Variants in AKAP10 observed in about 807,000 individuals in gnomAD.
AKAP10 encodes A-kinase anchor protein 10, mitochondrial.
Under a neutral mutation model 80.8 loss-of-function variants are expected in AKAP10, and 24 were observed. The observed-to-expected ratio is 0.30, with a 90% confidence interval of 0.22 to 0.42. The LOEUF is 0.42. Among genes scored for constraint, AKAP10 ranks in the 10% least tolerant of loss-of-function variants. AKAP10 has a pLI of 1.00. For synonymous variants in AKAP10, 291 were observed against 277.7 expected (o/e 1.05, Z -0.48); for missense variants, 661 against 794.9 (o/e 0.83, Z 2.03).
intron 1 of AKAP10, among the ~76,000 whole-genome samples, chr17:19,970,649 C>G (rs1027026911): frequency 1.3e-5 from 2 of 152,056 alleles, no homozygotes; most frequent in Admixed American, 6.6e-5. Context: ...ATGGTGAAAC[C>G]CTGTCTCTAC....
chr17:19,970,817 T>C (rs1049799613), intron 1 of AKAP10, among the ~76,000 whole-genome samples: 1 of 151,822 alleles, frequency 6.6e-6, no homozygotes, highest in African/African-American at 2.4e-5. Flanking sequence ...AGCAAGACTC[T>C]GTCTTAAAAA....
rs939974813 is a variant in AKAP10, at chr17:19,950,455, G to A, written c.878-2950C>T. ...CTGCAGAGTGCCTGGGATTGCAGGCGCACGCCGCCACACCTGACTGGTTTT... is the reference window on the plus strand; with the variant it reads ...CTGCAGAGTGCCTGGGATTGCAGGCACACGCCGCCACACCTGACTGGTTTT... On this transcript the variant is annotated intron_variant, in intron 4 of 14. Transcript: ENST00000225737. 1.1e-4 allele frequency among the ~76,000 whole-genome samples: 16 copies of A among 152,332 alleles called. No individual in the cohort carries two copies. The East Asian group carries it at 1.4e-3, about 13-fold the overall frequency.
At chr17:19,958,634 GTCAA>G in intron 3 of AKAP10, 63 bp from the exon 4 acceptor site, 1 of 1,427,174 alleles carries the variant, frequency 7.0e-7, no homozygotes, top group African/African-American at 1.4e-5. Flanking sequence ...TGACAGATTA[GTCAA>G]TCACTTTTAG....
At chr17:19,953,973 A>C (rs2152417005) in intron 4 of AKAP10, among the ~76,000 whole-genome samples, 1 of 152,248 alleles carries the variant, frequency 6.6e-6, no homozygotes, top group South Asian at 2.1e-4. Flanking sequence ...CAGAGGTTGC[A>C]GTAAGCCAAG....
At chr17:19,955,284 G>A (rs766805165) in intron 4 of AKAP10, among the ~76,000 whole-genome samples, 3 of 152,076 alleles carry the variant, frequency 2.0e-5, no homozygotes, top group South Asian at 2.1e-4. Context: ...AAAGATCAGC[G>A]GTTGCCAAGT....
chr17:19,909,904 T>C (rs1393370311), intron 13 of AKAP10, 22 bp downstream of exon 13: 5 of 1,610,690 alleles, frequency 3.1e-6, no homozygotes, highest in Non-Finnish European at 4.2e-6. Context: ...AGAAATCTTT[T>C]TATCCTAAAG....
chr17:19,955,729 G>C lies in AKAP10; in HGVS notation c.877+2285C>G, dbSNP rs182818585. 5.4e-3 allele frequency among the ~76,000 whole-genome samples: 823 copies of C among 152,220 alleles called. 4 individuals carry two copies. The highest frequency in any genetic ancestry group is 0.011 in the South Asian group (53 of 4,826). On this transcript the variant is annotated intron_variant, in intron 4 of 14. Transcript: ENST00000225737. ...GGGCACCTGTAATCCCAGCTACTCAGGGGGCTGAGGCAAGAGAATCGCTTG... is the reference window on the plus strand; with the variant it reads ...GGGCACCTGTAATCCCAGCTACTCACGGGGCTGAGGCAAGAGAATCGCTTG...
At chr17:19,962,021 C>T (rs1047429941) in intron 3 of AKAP10, among the ~76,000 whole-genome samples, 3 of 151,920 alleles carry the variant, frequency 2.0e-5, no homozygotes, top group Non-Finnish European at 2.9e-5. Flanking sequence ...GAGGCTGAGG[C>T]GAGAGAATGG....
At chr17:19,939,655 C>G (rs1378761457) in intron 8 of AKAP10, 58 bp downstream of exon 8, 1 of 1,567,254 alleles carries the variant, frequency 6.4e-7, no homozygotes, top group Non-Finnish European at 8.7e-7. Flanking sequence ...TTTATTTCCA[C>G]AAAACATATC....
chr17:19,933,413 C>A (rs1314914379), intron 9 of AKAP10, among the ~76,000 whole-genome samples: 1 of 152,174 alleles, frequency 6.6e-6, no homozygotes, highest in Non-Finnish European at 1.5e-5. Context: ...CAGAAATACT[C>A]AAAGTTTTTG....
rs2043127910 is a variant in AKAP10 at position 19,946,273 on chromosome 17, ATATTTTT to A, written c.976+1127_976+1133del. ...TATATATATATATATATATATATATATATTTTTTTTTTTTTTTTTTTTTTTTGGCAGG... is the reference window on the plus strand; with the variant it reads ...TATATATATATATATATATATATATATTTTTTTTTTTTTTTTTTTGGCAGG... On this transcript the variant is annotated intron_variant, in intron 5 of 14. Coordinates refer to ENST00000225737, the MANE Select transcript of AKAP10 (RefSeq NM_007202.4). 1.3e-3 allele frequency among the ~76,000 whole-genome samples: 26 copies of A among 19,792 alleles called. 1 individual carries two copies. The highest frequency in any genetic ancestry group is 2.6e-3 in the African/African-American group (13 of 4,996). The allele number at this position is 19,792 out of a possible 152,430, so 13.0% of individuals were successfully genotyped here.
intron 1 of AKAP10, among the ~76,000 whole-genome samples, chr17:19,971,737 T>C (rs1293418688): frequency 1.3e-5 from 2 of 152,242 alleles, no homozygotes; most frequent in African/African-American, 4.8e-5. Context: ...TAGTGAACAT[T>C]CTAGTACACG....
rs188642135 is a variant in AKAP10 at position 19,952,290 on chromosome 17, T to G, written c.878-4785A>C. Among the ~76,000 whole-genome samples the G allele has an allele frequency of 2.0e-5, 3 of 150,846 alleles. No individual in the cohort carries two copies. In the East Asian group the frequency reaches 5.9e-4, roughly 30 times the overall value. ...ACGAGCCTGGCTAACATGGTGAAAATCCGTTTCTACTAAAAATACAAAAAA... is the reference window on the plus strand; with the variant it reads ...ACGAGCCTGGCTAACATGGTGAAAAGCCGTTTCTACTAAAAATACAAAAAA... On this transcript the variant is annotated intron_variant, in intron 4 of 14. Transcript: ENST00000225737.
chr17:19,921,743 G>A (rs1021002773), intron 11 of AKAP10, among the ~76,000 whole-genome samples: 1 of 151,966 alleles, frequency 6.6e-6, no homozygotes, highest in African/African-American at 2.4e-5. Context: ...TATAAAAAGA[G>A]ATCCTCTGTA....
At chr17:19,946,242 TA>T (rs1567765584) in intron 5 of AKAP10, among the ~76,000 whole-genome samples, 5 of 13,704 alleles carry the variant, frequency 3.6e-4, no homozygotes, top group Non-Finnish European at 5.8e-4. Context: ...ATATATTATA[TA>T]TATATATATA....
At chr17:19,910,007 C>T (rs748541275) in intron 12 of AKAP10, 29 bp from the exon 13 acceptor site, 41 of 1,602,194 alleles carry the variant, frequency 2.6e-5, no homozygotes, top group Non-Finnish European at 3.4e-5. Context: ...ATTGAATGTA[C>T]ATTTCATGCA....
At chr17:19,913,280 A>G (rs2042710997) in intron 12 of AKAP10, among the ~76,000 whole-genome samples, 1 of 151,062 alleles carries the variant, frequency 6.6e-6, no homozygotes, top group Non-Finnish European at 1.5e-5. Flanking sequence ...CAGCCTCCCG[A>G]TAGCTGGGAC....
intron 11 of AKAP10, among the ~76,000 whole-genome samples, chr17:19,923,831 C>T (rs1258969209): frequency 6.6e-6 from 1 of 152,164 alleles, no homozygotes; most frequent in African/African-American, 2.4e-5. Context: ...TGGCCTACCA[C>T]TGTTACTTTC....
At chr17:19,912,981 C>CTT (rs544057778) in intron 12 of AKAP10, among the ~76,000 whole-genome samples, 10 of 141,550 alleles carry the variant, frequency 7.1e-5, no homozygotes, top group Admixed American at 3.6e-4. Context: ...TTCTTTCTTT[C>CTT]TTTTTTTTTT....
Sources: gnomAD v4.1 joint callset for allele counts (sites outside exome capture counted in the v4.1 genomes callset) on GRCh38, gnomAD v4.1.1 for gene constraint, MANE v1.5 for transcripts, NCBI Gene and HGNC (gene_info 2026-07-23, HGNC 2026-07-21) for gene names.